Variants in RIF1 observed in about 807,000 individuals in gnomAD.
RIF1 encodes telomere-associated protein RIF1.
In RIF1, 45 loss-of-function variants were observed where a neutral mutation model predicts 247.1. The observed-to-expected ratio is 0.18, with a 90% CI of 0.14 to 0.23. The LOEUF (loss-of-function observed/expected upper bound fraction) is 0.23, where lower values mean the gene tolerates loss of function less well. Among genes scored for constraint, RIF1 ranks in the 10% least tolerant of loss-of-function variants. The pLI is 1.00. For synonymous variants in RIF1, 1,087 were observed against 978.8 expected (o/e 1.11, Z -2.06); for missense variants, 2,967 against 2,862.5 (o/e 1.04, Z -0.83).
chr2:151,450,572 C>A (rs945447364), intron 20 of RIF1, among the ~76,000 whole-genome samples: 1 of 151,944 alleles, frequency 6.6e-6, no homozygotes, highest in Non-Finnish European at 1.5e-5. Context: ...TTTAAAAACA[C>A]CATCCTGAGC....
chr2:151,445,542 C>T, intron 19 of RIF1, 97 bp downstream of exon 19: 9 of 727,934 alleles, frequency 1.2e-5, no homozygotes, highest in South Asian at 3.3e-5. Flanking sequence ...ATTTGTTTTT[C>T]TTTTTCTTTT....
intron 9 of RIF1, among the ~76,000 whole-genome samples, chr2:151,432,847 T>C (rs1207195214): frequency 6.6e-6 from 1 of 152,248 alleles, no homozygotes; most frequent in Non-Finnish European, 1.5e-5. Flanking sequence ...TAAATATTAC[T>C]TATTTGTTTT....
At chr2:151,510,160 G>C (rs769130241), downstream of RIF1, among the ~76,000 whole-genome samples, 2 of 152,124 alleles carry the variant, frequency 1.3e-5, no homozygotes, top group African/African-American at 4.8e-5. Context: ...GTGATTACTC[G>C]TATGTTGTCT....
chr2:151,497,269 G>A, intron 10 of RIF1: 1 of 912,376 alleles, frequency 1.1e-6, no homozygotes, highest in Non-Finnish European at 1.3e-6. Flanking sequence ...GGCTGTCAGA[G>A]TTATCCATGT....
chr2:151,419,301 T>C (rs1258524490), intron 6 of RIF1, among the ~76,000 whole-genome samples: 1 of 152,152 alleles, frequency 6.6e-6, no homozygotes, highest in African/African-American at 2.4e-5. Flanking sequence ...CATAAACCAG[T>C]AACTTAGTCA....
Position 151,420,241 on chromosome 2 carries a change from A to G in RIF1, c.555A>G (p.Ala185=). 2 of 1,614,182 alleles carry G rather than the reference A, an allele frequency of 1.2e-6. No individual in the cohort carries two copies. The highest frequency in any genetic ancestry group is 1.7e-6 in the Non-Finnish European group (2 of 1,180,026). The change falls in exon 7 of 36, where the codon GCA becomes GCG. Residue 185 remains alanine (A), a synonymous_variant. Coordinates refer to ENST00000444746, the MANE Select transcript of RIF1 (RefSeq NM_018151.5). ...TGGGAGAAGAGGCAGTGAGGTGGGCAAAACTGGTCATACCTTTAGTGGTTC... is the reference window on the plus strand; with the variant it reads ...TGGGAGAAGAGGCAGTGAGGTGGGCGAAACTGGTCATACCTTTAGTGGTTC... ...IQMGEEAVRW[A]KLVIPLVVHS...
the RIF1 span, among the ~76,000 whole-genome samples, chr2:151,517,182 T>G: frequency 6.6e-6 from 1 of 152,212 alleles, no homozygotes; most frequent in Non-Finnish European, 1.5e-5. Flanking sequence ...TCAAGCCTGT[T>G]GTATAAATAA....
chr2:151,506,703 T>TA (rs1159289488), intron 13 of RIF1, among the ~76,000 whole-genome samples: 3 of 152,216 alleles, frequency 2.0e-5, no homozygotes, highest in African/African-American at 7.2e-5. Context: ...AAATAAAAGT[T>TA]ACGTTGTTAG....
At chr2:151,454,835 G>C in intron 21 of RIF1, 60 bp from the exon 22 acceptor site, 1 of 1,262,210 alleles carries the variant, frequency 7.9e-7, no homozygotes, top group Non-Finnish European at 1.1e-6. Context: ...TGTAAAAGTG[G>C]ACAGTGACTC....
At position 151,465,289 on chromosome 2, in the gene RIF1, T is replaced by C. The variant is rs1175034052; in HGVS notation, c.5769T>C (p.Asn1923=). ...AAACTATGGAATTGAATGTAGGAAA[T>C]GAAGCTAGCTTTCATGGACAAGAGA... ...KAKTMELNVG[N]EASFHGQERT... is the part of the protein sequence containing the mutation. Residue 1923 remains asparagine (N), a synonymous_variant, in exon 30 of 36, where the codon AAT becomes AAC. Transcript: ENST00000444746. 1 of 1,612,258 alleles carries C rather than the reference T, an allele frequency of 6.2e-7. No individual in the cohort carries two copies. Among genetic ancestry groups the C allele is most frequent in the Non-Finnish European group, 8.5e-7 (1 of 1,179,568 alleles).
At chr2:151,527,527 C>T in the RIF1 span, 7 of 1,613,410 alleles carry the variant, frequency 4.3e-6, no homozygotes, top group Admixed American at 3.3e-5. Context: ...GAAGTCCGGT[C>T]GGTCAGGAGT....
chr2:151,514,772 C>T, the RIF1 span: 1 of 1,279,850 alleles, frequency 7.8e-7, no homozygotes, highest in East Asian at 2.5e-5. Context: ...GTCACTAGTG[C>T]AATTATTTGG....
intron 29 of RIF1, 45 bp from the exon 30 acceptor site, chr2:151,462,839 G>A: frequency 7.2e-7 from 1 of 1,390,046 alleles, no homozygotes; most frequent in Non-Finnish European, 9.8e-7. Context: ...TCGTTTGCTG[G>A]TTATTAATCT....
intron 9 of RIF1, chr2:151,491,864 G>T (rs2056869053): frequency 2.7e-6 from 3 of 1,116,444 alleles, no homozygotes; most frequent in Non-Finnish European, 3.9e-6. Context: ...AACCACCAAA[G>T]GATTGAATCA....
At position 151,468,003 on chromosome 2, in the gene RIF1, C is replaced by T. The variant is rs1359556477; in HGVS notation, c.6604C>T (p.Arg2202Cys). 3 of 1,601,268 alleles carry T rather than the reference C, an allele frequency of 1.9e-6. No individual in the cohort carries two copies. The highest frequency in any genetic ancestry group is 2.2e-5 in the East Asian group (1 of 44,632). ...AAATCCTGACCTGTGTTTTCAGGTT[C>T]GCCGTGTCTCCTTTGCAGATCCAAT... Reference protein sequence around the residue: ...DEISSPVNKVRRVSFADPIYQ... With the variant: ...DEISSPVNKVCRVSFADPIYQ... Residue 2202 changes from arginine to cysteine, a missense_variant, in exon 31 of 36, where the codon CGC (arginine) becomes TGC (cysteine). Coordinates refer to ENST00000444746, the MANE Select transcript of RIF1 (RefSeq NM_018151.5).
Position 151,416,846 on chromosome 2 carries a change from A to C in RIF1, c.448A>C (p.Lys150Gln), listed in dbSNP as rs777294015. The C allele has an allele frequency of 6.2e-7, 1 of 1,612,994 alleles. No homozygotes were observed. Among genetic ancestry groups the C allele is most frequent in the Admixed American group, 1.7e-5 (1 of 59,928 alleles). ...TGATTCATTAGAAATACTGTTTAAC[A>C]AAGGAGAGACGCATTCTGCTGTTGT... ...IIDSLEILFN[K>Q]GETHSAVVDF... is the part of the protein sequence containing the mutation. The change falls in exon 6 of 36, where the codon AAA (lysine) becomes CAA (glutamine). Residue 150 changes from lysine (K) to glutamine (Q), a missense_variant. Lys to Gln is a moderately conservative substitution (Grantham distance 53). Coordinates refer to ENST00000444746, the MANE Select transcript of RIF1 (RefSeq NM_018151.5).
In RIF1 at chr2:151,500,444, A is replaced by AGAG. The variant is rs532292844; in HGVS notation, c.*709+905_*709+907dup. On this transcript the variant is annotated intron_variant and NMD_transcript_variant, in intron 11 of 13. Coordinates refer to the RIF1 transcript ENST00000454583. The stretch of plus-strand genomic sequence containing the variant: ...ATAATACACAAATAATTTGTGTGTT[A>AGAG]GAGTTTTTCAGCAACAATATTAATA... Among the ~76,000 whole-genome samples the AGAG allele has an allele frequency of 2.3e-3, 355 of 152,088 alleles. 9 individuals carry two copies. In the East Asian group the frequency reaches 0.046, roughly 20 times the overall value.
chr2:151,485,471 A>G (rs2049621078), downstream of RIF1: 1 of 257,032 alleles, frequency 3.9e-6, no homozygotes, highest in African/African-American at 2.2e-5. Flanking sequence ...TTTTCCTTTA[A>G]TGTGTTTGGC....
chr2:151,466,148 G>T, intron 30 of RIF1, 28 bp downstream of exon 30: 1 of 1,381,004 alleles, frequency 7.2e-7, no homozygotes, highest in South Asian at 1.3e-5. Context: ...AAATATTAAG[G>T]AACCCAGTAT....
Sources: allele counts gnomAD v4.1 joint callset (sites outside exome capture counted in the v4.1 genomes callset), GRCh38; gene constraint gnomAD v4.1.1; transcripts MANE v1.5; gene names NCBI Gene and HGNC (gene_info 2026-07-23, HGNC 2026-07-21).